CADM2: variants seen among roughly 807,000 people sequenced by gnomAD.
CADM2 encodes immunoglobulin superfamily member 4D.
Under a neutral mutation model 49.8 loss-of-function variants are expected in CADM2, and 12 were observed. The observed-to-expected ratio is 0.24, with a 90% CI of 0.15 to 0.39. CADM2 has a LOEUF of 0.39. Ranked by LOEUF, CADM2 falls within the 10% of genes least tolerant of loss-of-function variation. The pLI is 1.00. For synonymous variants in CADM2, 214 were observed against 175.4 expected (o/e 1.22, Z -1.74); for missense variants, 378 against 492.3 (o/e 0.77, Z 2.20).
chr3:85,346,911 GA>G (rs1293236505), intron 1 of CADM2, among the ~76,000 whole-genome samples: 2 of 151,916 alleles, frequency 1.3e-5, no homozygotes, highest in Admixed American at 6.6e-5. Context: ...ATAAAAACGT[GA>G]AAAAAAGCAT....
chr3:85,834,116 C>G (rs892455315), intron 3 of CADM2, among the ~76,000 whole-genome samples: 26 of 151,670 alleles, frequency 1.7e-4, no homozygotes, highest in African/African-American at 5.8e-4. Context: ...AAATAAAGTT[C>G]TTCTTATGAT....
At chr3:85,268,515 T>C (rs1454363724) in intron 1 of CADM2, among the ~76,000 whole-genome samples, 1 of 151,450 alleles carries the variant, frequency 6.6e-6, no homozygotes, top group African/African-American at 2.4e-5. Context: ...AGTTCAATTT[T>C]GTAAATTGAA....
intron 1 of CADM2, among the ~76,000 whole-genome samples, chr3:85,517,828 T>C (rs2060940189): frequency 6.6e-6 from 1 of 152,216 alleles, no homozygotes; most frequent in South Asian, 2.1e-4. Context: ...TTCTTACTTA[T>C]TATTTAACCT....
intron 1 of CADM2, among the ~76,000 whole-genome samples, chr3:85,315,732 T>C (rs1043475045): frequency 9.9e-5 from 15 of 152,208 alleles, no homozygotes; most frequent in African/African-American, 3.6e-4. Context: ...AAATATGATA[T>C]AGCATTCAGT....
intron 1 of CADM2, among the ~76,000 whole-genome samples, chr3:85,386,132 C>T (rs974756446): frequency 6.6e-6 from 1 of 152,080 alleles, no homozygotes; most frequent in Non-Finnish European, 1.5e-5. Flanking sequence ...CACTAGGCTG[C>T]AGTAAGCAGA....
At chr3:85,857,114 G>T (rs556994883) in intron 3 of CADM2, among the ~76,000 whole-genome samples, 1 of 152,198 alleles carries the variant, frequency 6.6e-6, no homozygotes, top group Admixed American at 6.5e-5. Flanking sequence ...TCCTCACATT[G>T]CACAAAAAGG....
At chr3:84,971,399 C>T (rs187410142) in intron 1 of CADM2, among the ~76,000 whole-genome samples, 19 of 152,140 alleles carry the variant, frequency 1.2e-4, no homozygotes, top group Admixed American at 1.2e-3. Context: ...AAAATTTATA[C>T]AGGATAGTTT....
intron 3 of CADM2, among the ~76,000 whole-genome samples, chr3:85,854,461 G>T (rs971014704): frequency 2.0e-5 from 3 of 152,164 alleles, no homozygotes; most frequent in African/African-American, 7.2e-5. Flanking sequence ...AAAAAAGGAT[G>T]AATTCATGTC....
intron 8 of CADM2, among the ~76,000 whole-genome samples, chr3:85,970,489 T>C (rs958900232): frequency 1.3e-5 from 2 of 151,546 alleles, no homozygotes; most frequent in Non-Finnish European, 3.0e-5. Context: ...AATATGCATG[T>C]GCAAAAATTA....
intron 1 of CADM2, among the ~76,000 whole-genome samples, chr3:85,230,166 A>C (rs2042254699): frequency 6.6e-6 from 1 of 152,172 alleles, no homozygotes. Context: ...ATTTATTCAC[A>C]GCAAGGAGTA....
intron 1 of CADM2, among the ~76,000 whole-genome samples, chr3:85,634,631 T>C (rs140774388): frequency 3.3e-5 from 5 of 152,174 alleles, no homozygotes; most frequent in African/African-American, 1.2e-4. Flanking sequence ...TAAAAATAAT[T>C]ACAATATGGG....
At chr3:85,870,370 C>T (rs1258877031) in intron 3 of CADM2, among the ~76,000 whole-genome samples, 1 of 151,880 alleles carries the variant, frequency 6.6e-6, no homozygotes. Context: ...GAGCCTAGCA[C>T]CCACTAATTA....
rs532594669 is a variant in CADM2, at chr3:85,819,253, C to T, written c.238+17057C>T. 5.3e-5 allele frequency among the ~76,000 whole-genome samples: 8 copies of T among 152,244 alleles called. No homozygotes were observed. In the South Asian group the frequency reaches 1.5e-3, roughly 28 times the overall value. On this transcript the variant is annotated intron_variant, in intron 3 of 9. Transcript: ENST00000383699. Reference sequence around the variant, plus strand: ...TGCTTTGTTCTATTGGTGCTGGCAGCGGATTGGATGGTGCCCACCCACATT... The same window carrying T: ...TGCTTTGTTCTATTGGTGCTGGCAGTGGATTGGATGGTGCCCACCCACATT...
chr3:86,018,743 A>AT (rs1732685927), intron 8 of CADM2, among the ~76,000 whole-genome samples: 1 of 151,960 alleles, frequency 6.6e-6, no homozygotes, highest in Admixed American at 6.6e-5. Flanking sequence ...ATTCTTGTAA[A>AT]TTTGTTTGAG....
chr3:85,404,218 A>G (rs1035408462), intron 1 of CADM2, among the ~76,000 whole-genome samples: 2 of 152,108 alleles, frequency 1.3e-5, no homozygotes, highest in Non-Finnish European at 2.9e-5. Flanking sequence ...AATGCAGACC[A>G]TCATCCCACC....
chr3:86,014,447 G>A (rs1266291972), intron 8 of CADM2: 1 of 1,492,680 alleles, frequency 6.7e-7, no homozygotes, highest in South Asian at 1.4e-5. Context: ...TTTGGTTTGA[G>A]GAAGCCACAA....
chr3:85,020,301 G>A (rs1364214414), intron 1 of CADM2, among the ~76,000 whole-genome samples: 1 of 152,116 alleles, frequency 6.6e-6, no homozygotes, highest in Non-Finnish European at 1.5e-5. Context: ...GTATTTAACA[G>A]ACATTTGCTT....
chr3:85,900,157 T>C (rs1417267192), intron 5 of CADM2, among the ~76,000 whole-genome samples: 1 of 152,204 alleles, frequency 6.6e-6, no homozygotes, highest in Non-Finnish European at 1.5e-5. Context: ...TTCATTATGA[T>C]GTTCAATTGT....
At chr3:85,438,777 A>T (rs918486729) in intron 1 of CADM2, among the ~76,000 whole-genome samples, 2 of 152,094 alleles carry the variant, frequency 1.3e-5, no homozygotes, top group East Asian at 1.9e-4. Context: ...GGCTCATGTG[A>T]TCCTCCTGCT....
Sources: gnomAD v4.1 joint callset for allele counts (sites outside exome capture counted in the v4.1 genomes callset) on GRCh38, gnomAD v4.1.1 for gene constraint, MANE v1.5 for transcripts, NCBI Gene and HGNC (gene_info 2026-07-23, HGNC 2026-07-21) for gene names.